Variants in CDC25C observed in about 807,000 individuals in gnomAD.
The protein encoded by CDC25C is cell division cycle 25C.
A neutral mutation model predicts 52.5 loss-of-function variants in CDC25C; 48 were observed. That is an observed-to-expected ratio of 0.91 (90% CI 0.72 to 1.16). The LOEUF (loss-of-function observed/expected upper bound fraction) is 1.16. CDC25C is among the 50% of genes most tolerant of loss of function. The pLI is 0.00. For synonymous variants in CDC25C, 187 were observed against 206.5 expected (o/e 0.91, Z 0.81); for missense variants, 510 against 566.1 (o/e 0.90, Z 1.01).
At chr5:138,336,971 C>G (rs1352599667) in intron 1 of CDC25C, 2 of 152,162 alleles carry the variant, frequency 1.3e-5, no homozygotes, top group African/African-American at 4.8e-5. Context: ...AGCTATTTAC[C>G]TGTCCCAGTC....
rs200538172 is a variant in CDC25C, at chr5:138,329,578, G to A, written c.264C>T (p.Thr88=). 6.2e-7 allele frequency: 1 copy of A among 1,612,512 alleles called. No homozygotes were observed. The highest frequency in any genetic ancestry group is 1.3e-5 in the African/African-American group (1 of 74,964). The change falls in exon 3 of 14, where the codon ACC becomes ACT. Residue 88 remains threonine (T), a synonymous_variant. Coordinates refer to ENST00000323760, the MANE Select transcript of CDC25C (RefSeq NM_001790.5). ...CAGTTTCATCAAGGTCTGCAGAAGT[G>A]GTAAGCTGAGTGGCAGTTATCTCCC... The part of the protein sequence containing the change: ...SSGEITATQL[T]TSADLDETGH...
rs1352798919 is a variant in CDC25C, at chr5:138,287,176, T to G, written c.1019A>C (p.His340Pro). ...CRYPYEYLGG[H>P]IQGALNLYSQ... ...GCCACAATGTCGTCTCACCTGGATG[T>G]GTCCTCCCAGATACTCATATGGATA... is the stretch of plus-strand genomic sequence containing the variant. Residue 340 changes from histidine to proline, a missense_variant, in exon 11 of 14, where the codon CAC becomes CCC. By Grantham distance (77) the His-to-Pro change is moderately conservative. Transcript: ENST00000323760. 1.9e-6 allele frequency: 3 copies of G among 1,611,288 alleles called. No individual in the cohort carries two copies. The African/African-American group carries it at 4.0e-5, about 22-fold the overall frequency.
intron 7 of CDC25C, among the ~76,000 whole-genome samples, chr5:138,305,484 C>T (rs1757940276): frequency 6.6e-6 from 1 of 152,148 alleles, no homozygotes; most frequent in Admixed American, 6.5e-5. Context: ...TCACTGTAGC[C>T]TTGAACTGCT....
At position 138,289,483 on chromosome 5, in the gene CDC25C, C is replaced by T. The variant is rs756801650; in HGVS notation, c.927+18G>A. On this transcript the variant is annotated intron_variant, in intron 10 of 13. Coordinates refer to ENST00000323760, the MANE Select transcript of CDC25C (RefSeq NM_001790.5). ...GGTAGCTTATGTAACCAGTTACCAT[C>T]TCCAGAAATCTGCTTACTGTTTCTG... The T allele has an allele frequency of 2.5e-6, 4 of 1,593,270 alleles. No individual in the cohort carries two copies. The South Asian group carries it at 4.4e-5, about 18-fold the overall frequency.
At chr5:138,292,535 A>G (rs536394111) in intron 7 of CDC25C, among the ~76,000 whole-genome samples, 1 of 151,500 alleles carries the variant, frequency 6.6e-6, no homozygotes, top group East Asian at 1.9e-4. Context: ...GGATCCTAGG[A>G]CATTGACAAT....
chr5:138,338,114 AGACACTTTGAGAGAGACAC>A (rs1447074560), exon 1 of CDC25C: 1 of 1,289,624 alleles, frequency 7.8e-7, no homozygotes, highest in African/African-American at 1.5e-5. Context: ...GCTGTCCGAG[AGACACTTTGAGAGAGACAC>A]GACACGGAGC....
At chr5:138,305,859 T>C (rs1757966087) in intron 7 of CDC25C, among the ~76,000 whole-genome samples, 1 of 152,222 alleles carries the variant, frequency 6.6e-6, no homozygotes, top group African/African-American at 2.4e-5. Context: ...TGTGACCAAC[T>C]AGATATTCCT....
chr5:138,289,712 C>T (rs1246899490), intron 9 of CDC25C, 149 bp from the exon 10 acceptor site: 1 of 600,236 alleles, frequency 1.7e-6, no homozygotes, highest in Admixed American at 2.8e-5. Flanking sequence ...GCATATACAT[C>T]AAGTCCATTT....
At chr5:138,288,600 G>A (rs1197575854) in intron 10 of CDC25C, among the ~76,000 whole-genome samples, 1 of 152,124 alleles carries the variant, frequency 6.6e-6, no homozygotes, top group Non-Finnish European at 1.5e-5. Flanking sequence ...GGAGGCTGAG[G>A]CAGGAGAATG....
intron 7 of CDC25C, among the ~76,000 whole-genome samples, chr5:138,307,978 G>T (rs1034752775): frequency 1.3e-5 from 2 of 152,058 alleles, no homozygotes; most frequent in East Asian, 3.8e-4. Context: ...CAAGGAACCG[G>T]CAACCTAGAT....
intron 7 of CDC25C, among the ~76,000 whole-genome samples, chr5:138,315,995 T>G (rs1009508795): frequency 6.6e-6 from 1 of 152,222 alleles, no homozygotes. Flanking sequence ...CTGGGCCTCC[T>G]GTTCCACGGA....
At chr5:138,326,100 T>C (rs1759834199) in intron 4 of CDC25C, 46 bp from the exon 5 acceptor site, 1 of 1,602,224 alleles carries the variant, frequency 6.2e-7, no homozygotes, top group Admixed American at 1.7e-5. Flanking sequence ...CCAAATACTG[T>C]TTGATTATTC....
chr5:138,336,202 G>A (rs1250553207), upstream of CDC25C, among the ~76,000 whole-genome samples: 1 of 150,774 alleles, frequency 6.6e-6, no homozygotes, highest in Non-Finnish European at 1.5e-5. Flanking sequence ...GCACAATCTC[G>A]GCTCACTGCA....
chr5:138,331,752 A>T lies in CDC25C; in HGVS notation c.-196T>A. The stretch of plus-strand genomic sequence containing the variant: ...TTCCGACTGGGTAGGCCAACGTCGG[A>T]CTCAGAGTCTTCCCTGAGCAGAAGG... On this transcript the variant is annotated 5_prime_UTR_variant, in exon 1 of 14. Coordinates refer to ENST00000323760, the MANE Select transcript of CDC25C (RefSeq NM_001790.5). 2.0e-6 allele frequency: 2 copies of T among 988,272 alleles called. No individual in the cohort carries two copies. Among genetic ancestry groups the T allele is most frequent in the Non-Finnish European group, 2.4e-6 (2 of 831,638 alleles). 61.2% of individuals were successfully genotyped at this position (988,272 alleles called of 1,614,324 possible).
intron 7 of CDC25C, among the ~76,000 whole-genome samples, chr5:138,314,689 A>G (rs1455408346): frequency 1.4e-5 from 2 of 140,898 alleles, no homozygotes; most frequent in African/African-American, 5.4e-5. Context: ...GCTCACTGCA[A>G]CCTCTGCCTC....
intron 9 of CDC25C, among the ~76,000 whole-genome samples, 192 bp from the exon 10 acceptor site, chr5:138,289,755 T>C (rs187809341): frequency 6.6e-6 from 1 of 152,080 alleles, no homozygotes; most frequent in Admixed American, 6.6e-5. Context: ...AAATCAAGGA[T>C]GTGTACGAAG....
At chr5:138,315,886 G>A (rs1758830955) in intron 7 of CDC25C, among the ~76,000 whole-genome samples, 1 of 152,222 alleles carries the variant, frequency 6.6e-6, no homozygotes, top group Non-Finnish European at 1.5e-5. Flanking sequence ...TATGGATAGG[G>A]CTGCATGATC....
chr5:138,317,142 C>T (rs1034677788), intron 7 of CDC25C, among the ~76,000 whole-genome samples: 1 of 152,088 alleles, frequency 6.6e-6, no homozygotes, highest in Non-Finnish European at 1.5e-5. Context: ...ATAGTCCTAG[C>T]TACTCAGGAG....
At chr5:138,299,714 A>G (rs902640276) in intron 7 of CDC25C, among the ~76,000 whole-genome samples, 14 of 151,764 alleles carry the variant, frequency 9.2e-5, no homozygotes, top group Admixed American at 2.6e-4. Flanking sequence ...AAGATCTCAA[A>G]TCAATTACCT....
Sources: allele counts gnomAD v4.1 joint callset (sites outside exome capture counted in the v4.1 genomes callset), GRCh38; gene constraint gnomAD v4.1.1; transcripts MANE v1.5; gene names NCBI Gene and HGNC (gene_info 2026-07-23, HGNC 2026-07-21).